The following MECOM variants were observed in gnomAD, a reference collection of about 807,000 sequenced individuals.
The protein encoded by MECOM is MDS1 and EVI1 complex locus, also known as histone-lysine N-methyltransferase MECOM.
In MECOM, 13 loss-of-function variants were observed where a neutral mutation model predicts 116.3. That is an observed-to-expected ratio of 0.11 (90% CI 0.07 to 0.18). The LOEUF (loss-of-function observed/expected upper bound fraction) is 0.18. MECOM is among the 10% of genes least tolerant of loss of function. The pLI, the probability that MECOM is intolerant of heterozygous loss-of-function variation, is 1.00. For missense variants in MECOM, 1,299 were observed against 1,509.0 expected (o/e 0.86, Z 2.31); for synonymous variants, 528 against 535.2 (o/e 0.99, Z 0.19).
intron 2 of MECOM, among the ~76,000 whole-genome samples, chr3:169,338,883 T>C (rs77716794): frequency 0.018 from 2,672 of 152,114 alleles, 63 homozygotes; most frequent in East Asian, 0.1. Context: ...AAGAGAGTGA[T>C]AGGAAAAGGG....
intron 2 of MECOM, among the ~76,000 whole-genome samples, chr3:169,199,255 C>G (rs555214452): frequency 3.0e-4 from 45 of 152,190 alleles, no homozygotes; most frequent in African/African-American, 9.6e-4. Flanking sequence ...TCTGCTCTTT[C>G]TCTTCCGTCA....
chr3:169,458,955 A>T (rs552427087), intron 1 of MECOM, among the ~76,000 whole-genome samples: 1 of 152,332 alleles, frequency 6.6e-6, no homozygotes, highest in African/African-American at 2.4e-5. Flanking sequence ...ACACCTTGCA[A>T]AAAAGCAGCT....
chr3:169,499,348 A>C (rs1754243194), intron 1 of MECOM, among the ~76,000 whole-genome samples: 5 of 74,708 alleles, frequency 6.7e-5, no homozygotes, highest in Admixed American at 1.5e-4. Flanking sequence ...ATTACCCACA[A>C]AAAAAAAAAA....
chr3:169,468,583 C>T (rs1481583373), intron 1 of MECOM, among the ~76,000 whole-genome samples: 2 of 152,126 alleles, frequency 1.3e-5, no homozygotes, highest in African/African-American at 2.4e-5. Context: ...AGTTTTCTCA[C>T]CTGCAAAATG....
At chr3:169,104,739 A>G (rs1724763261) in intron 10 of MECOM, among the ~76,000 whole-genome samples, 2 of 152,198 alleles carry the variant, frequency 1.3e-5, no homozygotes, top group African/African-American at 4.8e-5. Flanking sequence ...CAGCACACAT[A>G]AACCACAAGT....
intron 1 of MECOM, among the ~76,000 whole-genome samples, chr3:169,402,550 G>A (rs1736066135): frequency 1.3e-5 from 2 of 152,148 alleles, no homozygotes; most frequent in South Asian, 4.1e-4. Flanking sequence ...CAGCTACTCA[G>A]GAAGCTGAGG....
At chr3:169,355,637 C>T (rs935567898) in intron 2 of MECOM, among the ~76,000 whole-genome samples, 3 of 151,840 alleles carry the variant, frequency 2.0e-5, no homozygotes, top group African/African-American at 4.8e-5. Flanking sequence ...AAAGCAACAC[C>T]GTTAAGACGG....
intron 3 of MECOM, among the ~76,000 whole-genome samples, chr3:169,134,963 G>T (rs1276710835): frequency 5.9e-5 from 9 of 152,034 alleles, no homozygotes; most frequent in Non-Finnish European, 1.2e-4. Context: ...AGATCTTTCA[G>T]CAAATAAAAA....
At chr3:169,432,251 C>T (rs915433240) in intron 1 of MECOM, among the ~76,000 whole-genome samples, 7 of 151,966 alleles carry the variant, frequency 4.6e-5, no homozygotes, top group African/African-American at 1.7e-4. Context: ...CTCTGCCTCC[C>T]AGGTTCAGGT....
chr3:169,620,433 G>A (rs1018669903), intron 1 of MECOM, among the ~76,000 whole-genome samples: 1 of 152,184 alleles, frequency 6.6e-6, no homozygotes, highest in Non-Finnish European at 1.5e-5. Flanking sequence ...TTCAACCATT[G>A]CTAAATCACT....
At chr3:169,120,349 G>T (rs1462531968) in intron 7 of MECOM, among the ~76,000 whole-genome samples, 2 of 152,200 alleles carry the variant, frequency 1.3e-5, no homozygotes, top group African/African-American at 4.8e-5. Flanking sequence ...GTATTTGAAG[G>T]ATGTTACTAC....
At chr3:169,210,658 A>G (rs1446648562) in intron 2 of MECOM, among the ~76,000 whole-genome samples, 2 of 152,152 alleles carry the variant, frequency 1.3e-5, no homozygotes, top group Non-Finnish European at 2.9e-5. Flanking sequence ...ATTCACATTA[A>G]GTAGGCTGAT....
chr3:169,237,777 C>G (rs959109839), intron 2 of MECOM, among the ~76,000 whole-genome samples: 1 of 152,060 alleles, frequency 6.6e-6, no homozygotes, highest in African/African-American at 2.4e-5. Context: ...TTATATAGTT[C>G]ACCCATTTTT....
intron 1 of MECOM, among the ~76,000 whole-genome samples, chr3:169,441,882 C>A (rs1459400908): frequency 6.6e-6 from 1 of 151,884 alleles, no homozygotes; most frequent in East Asian, 1.9e-4. Flanking sequence ...AGGCACCCAC[C>A]ACCACGCCTG....
At chr3:169,086,721 G>C (rs1484328007) in intron 16 of MECOM, among the ~76,000 whole-genome samples, 1 of 152,172 alleles carries the variant, frequency 6.6e-6, no homozygotes, top group African/African-American at 2.4e-5. Context: ...ACCGGATAGA[G>C]TTTCTTGAGG....
chr3:169,101,804 C>T (rs571551848), intron 11 of MECOM, among the ~76,000 whole-genome samples: 51 of 152,196 alleles, frequency 3.4e-4, no homozygotes, highest in South Asian at 2.7e-3. Flanking sequence ...CAAAGTGAGA[C>T]AAGTAGATAG....
chr3:169,423,340 T>A (rs1039570861), intron 1 of MECOM, among the ~76,000 whole-genome samples: 1 of 145,704 alleles, frequency 6.9e-6, no homozygotes, highest in Non-Finnish European at 1.5e-5. Context: ...TCTCTTGGTT[T>A]CAAGGAAGGC....
intron 2 of MECOM, among the ~76,000 whole-genome samples, chr3:169,241,354 C>G (rs1032721346): frequency 1.3e-5 from 2 of 152,050 alleles, no homozygotes; most frequent in Non-Finnish European, 2.9e-5. Flanking sequence ...AGAAACAGAC[C>G]AACCCTAAAT....
chr3:169,142,151 A>C (rs773265193), intron 3 of MECOM, among the ~76,000 whole-genome samples: 8 of 151,948 alleles, frequency 5.3e-5, no homozygotes, highest in Non-Finnish European at 1.2e-4. Flanking sequence ...TACATTTATT[A>C]TAAAACACTA....
Sources: allele counts gnomAD v4.1 joint callset (sites outside exome capture counted in the v4.1 genomes callset), GRCh38; gene constraint gnomAD v4.1.1; transcripts MANE v1.5; gene names NCBI Gene and HGNC (gene_info 2026-07-23, HGNC 2026-07-21).